Variants in LYPD5 observed in about 807,000 individuals in gnomAD.
LYPD5 encodes ly6/PLAUR domain-containing protein 5.
Under a neutral mutation model 19.1 loss-of-function variants are expected in LYPD5, and 21 were observed. The ratio of observed to expected loss-of-function variants is 1.10; its 90% CI spans 0.78 to 1.58. The LOEUF (loss-of-function observed/expected upper bound fraction) is 1.58. LYPD5 is among the 40% of genes most tolerant of loss of function. The pLI, the probability that LYPD5 is intolerant of heterozygous loss-of-function variation, is 0.00. For missense variants in LYPD5, 287 were observed against 329.8 expected, an observed-to-expected ratio of 0.87 and a Z score of 1.00; for synonymous variants, 128 against 142.7, an observed-to-expected ratio of 0.90 and a Z score of 0.74.
chr19:43,819,283 CTTT>C (rs560659624), intron 1 of LYPD5, among the ~76,000 whole-genome samples: 2 of 110,514 alleles, frequency 1.8e-5, no homozygotes, highest in African/African-American at 3.4e-5. Context: ...TCTTCTTCTT[CTTT>C]TTTTTTTTTT....
At chr19:43,818,923 A>G (rs1185742786) in intron 1 of LYPD5, among the ~76,000 whole-genome samples, 1 of 152,176 alleles carries the variant, frequency 6.6e-6, no homozygotes, top group Non-Finnish European at 1.5e-5. Context: ...CTTCTTGTCA[A>G]TTCTTTAAGT....
At chr19:43,814,062 C>T (rs1230157479) in intron 1 of LYPD5, among the ~76,000 whole-genome samples, 1 of 152,134 alleles carries the variant, frequency 6.6e-6, no homozygotes, top group East Asian at 1.9e-4. Flanking sequence ...ATAAATGTAT[C>T]CACATACTTC....
Position 43,798,495 on chromosome 19 carries a change from G to A in LYPD5, c.477C>T (p.Asp159=). The A allele has an allele frequency of 1.2e-6, 2 of 1,609,652 alleles. No individual in the cohort carries two copies. The highest frequency in any genetic ancestry group is 8.5e-7 in the Non-Finnish European group (1 of 1,179,996). The change falls in exon 4 of 5, where the codon GAC becomes GAT. Residue 159 remains aspartate (D), a synonymous_variant. Coordinates refer to ENST00000377950, the MANE Select transcript of LYPD5 (RefSeq NM_001031749.3). Reference sequence around the variant, plus strand: ...CATTGCCCTGGAAGCAGGCGGTCTGGTCCTGGTGACACTGGACTCGTCGGG... The same window carrying A: ...CATTGCCCTGGAAGCAGGCGGTCTGATCCTGGTGACACTGGACTCGTCGGG... ...GRSRRVQCHQ[D]QTACFQGNGR...
upstream of LYPD5, chr19:43,802,463 C>G (rs908313262): frequency 9.2e-6 from 12 of 1,302,054 alleles, no homozygotes; most frequent in Admixed American, 1.4e-4. Flanking sequence ...CTAAGCATCC[C>G]GGCCACCCAG....
chr19:43,798,066 C>A (rs1166100180), intron 4 of LYPD5, among the ~76,000 whole-genome samples: 1 of 149,004 alleles, frequency 6.7e-6, no homozygotes, highest in Non-Finnish European at 1.5e-5. Context: ...GGCCATGCCT[C>A]CTCCCCCAGA....
chr19:43,802,574 A>G, upstream of LYPD5: 1 of 585,450 alleles, frequency 1.7e-6, no homozygotes, highest in Non-Finnish European at 3.1e-6. Flanking sequence ...GGAGATCTAC[A>G]CTTCTGGGTC....
rs986597726 is a variant in LYPD5 at position 43,799,771 on chromosome 19, G to A, written c.128C>T (p.Ala43Val). The A allele has an allele frequency of 6.2e-7, 1 of 1,613,846 alleles. No individual in the cohort carries two copies. Among genetic ancestry groups the A allele is most frequent in the African/African-American group, 1.3e-5 (1 of 74,902 alleles). ...HTYFGPFDLR[A>V]MKLPSISCPH... ...ACAGGAGATGCTGGGCAGCTTCATG[G>A]CCCTGAGGTCAAAGGGGCCAAAGTA... The change falls in exon 2 of 5, where the codon GCC becomes GTC. Residue 43 changes from alanine to valine, a missense_variant. Ala to Val is a moderately conservative substitution (Grantham distance 64, BLOSUM62 0). Transcript: ENST00000377950.
Position 43,798,406 on chromosome 19 carries a change from C to T in LYPD5, c.517+49G>A, listed in dbSNP as rs1970166954. On this transcript the variant is annotated intron_variant, in intron 4 of 4. Coordinates refer to ENST00000377950, the MANE Select transcript of LYPD5 (RefSeq NM_001031749.3). ...TGGTATCACTACCCTCATGGCTGCC[C>T]TGCCTCCATATCCCTTGCCCAGGCC... 3 of 1,594,072 alleles carry T rather than the reference C, an allele frequency of 1.9e-6. No individual in the cohort carries two copies. The African/African-American group carries it at 4.0e-5, about 21-fold the overall frequency.
intron 1 of LYPD5, among the ~76,000 whole-genome samples, chr19:43,816,987 G>A (rs942680206): frequency 1.3e-5 from 2 of 152,136 alleles, no homozygotes; most frequent in African/African-American, 4.8e-5. Context: ...GTAACTATGA[G>A]TCCATTAAAC....
chr19:43,801,311 G>C (rs1049208195), intron 1 of LYPD5, among the ~76,000 whole-genome samples: 1 of 152,110 alleles, frequency 6.6e-6, no homozygotes, highest in African/African-American at 2.4e-5. Flanking sequence ...ACCAGCCTGG[G>C]CAACATAGTG....
At chr19:43,809,923 T>A (rs75615135) in intron 1 of LYPD5, among the ~76,000 whole-genome samples, 1 of 152,306 alleles carries the variant, frequency 6.6e-6, no homozygotes, top group East Asian at 1.9e-4. Flanking sequence ...AAAACCAATG[T>A]CTCCTTAGTA....
chr19:43,808,520 T>A lies in LYPD5; in HGVS notation c.-65-8686A>T, dbSNP rs141330799. Among the ~76,000 whole-genome samples, 52 of 152,372 alleles carry A rather than the reference T, an allele frequency of 3.4e-4. 1 individual carries two copies. In the South Asian group the frequency reaches 9.7e-3, roughly 29 times the overall value. Reference sequence around the variant, plus strand: ...TAAATTAGGTGGCTGGGTACCTGGATTGACGAAAAGAACATGTAATTAAAG... The same window carrying A: ...TAAATTAGGTGGCTGGGTACCTGGAATGACGAAAAGAACATGTAATTAAAG... On this transcript the variant is annotated intron_variant, in intron 1 of 4. Transcript: ENST00000414615.
At chr19:43,804,541 A>G (rs963624437), upstream of LYPD5, among the ~76,000 whole-genome samples, 2 of 151,990 alleles carry the variant, frequency 1.3e-5, no homozygotes, top group Non-Finnish European at 2.9e-5. Flanking sequence ...CCCTATTGCA[A>G]TCTCCTTGAA....
rs771543268 is a variant in LYPD5, at chr19:43,798,787, A to C, written c.370+25T>G. 7.5e-6 allele frequency: 12 copies of C among 1,592,610 alleles called. No individual in the cohort carries two copies. The Admixed American group carries it at 2.1e-4, about 28-fold the overall frequency. The stretch of plus-strand genomic sequence containing the variant: ...CCAGGCCTCTCATCGTCCCTCCCGG[A>C]GCCCAGCCCCGCTCTCCCGCGCACC... On this transcript the variant is annotated intron_variant, in intron 3 of 4. Coordinates refer to ENST00000377950, the MANE Select transcript of LYPD5 (RefSeq NM_001031749.3).
chr19:43,807,825 T>G (rs768065256), intron 1 of LYPD5, among the ~76,000 whole-genome samples: 25 of 152,142 alleles, frequency 1.6e-4, no homozygotes, highest in Non-Finnish European at 3.4e-4. Context: ...TGGGTTCTGA[T>G]CAGCTGAGGC....
intron 1 of LYPD5, among the ~76,000 whole-genome samples, chr19:43,812,943 T>C (rs1375100264): frequency 6.6e-6 from 1 of 152,186 alleles, no homozygotes; most frequent in Admixed American, 6.5e-5. Flanking sequence ...GGGAGTGTCT[T>C]ATGGAAAGCT....
intron 1 of LYPD5, among the ~76,000 whole-genome samples, chr19:43,800,181 A>G (rs1382770083): frequency 2.0e-5 from 3 of 152,202 alleles, no homozygotes; most frequent in Non-Finnish European, 2.9e-5. Flanking sequence ...CACAAAGTGG[A>G]CAGCACAGTA....
chr19:43,804,084 C>T (rs1172836233), upstream of LYPD5, among the ~76,000 whole-genome samples: 4 of 152,202 alleles, frequency 2.6e-5, no homozygotes, highest in East Asian at 1.9e-4. Flanking sequence ...GTGATCTGCC[C>T]GCCTCGGCCT....
chr19:43,802,592 G>A, upstream of LYPD5: 2 of 573,522 alleles, frequency 3.5e-6, no homozygotes, highest in Non-Finnish European at 6.3e-6. Flanking sequence ...GTCTGAGGGA[G>A]GAGAGAACTA....
Sources: allele counts gnomAD v4.1 joint callset (sites outside exome capture counted in the v4.1 genomes callset), GRCh38; gene constraint gnomAD v4.1.1; transcripts MANE v1.5; gene names NCBI Gene and HGNC (gene_info 2026-07-23, HGNC 2026-07-21).